CCDC62: variants seen among roughly 807,000 people sequenced by gnomAD.
CCDC62 encodes coiled-coil domain-containing protein 62.
CCDC62 carries 72 observed loss-of-function variants against 80.8 expected under a neutral mutation model. That is an observed-to-expected ratio of 0.89 (90% CI 0.74 to 1.08). The LOEUF (loss-of-function observed/expected upper bound fraction) is 1.08, where lower values mean the gene tolerates loss of function less well. Among genes scored for constraint, CCDC62 ranks in the 50% least tolerant of loss-of-function variants. The pLI is 0.00. For missense variants in CCDC62, 704 were observed against 809.4 expected (o/e 0.87, Z 1.58); for synonymous variants, 286 against 296.5 (o/e 0.96, Z 0.36).
At chr12:122,787,077 G>A (rs2030294527) in intron 4 of CCDC62, among the ~76,000 whole-genome samples, 1 of 152,200 alleles carries the variant, frequency 6.6e-6, no homozygotes, top group Non-Finnish European at 1.5e-5. Context: ...AGCAAACTCT[G>A]GCAAAGCTAT....
At chr12:122,793,585 A>G (rs2030763185) in intron 6 of CCDC62, among the ~76,000 whole-genome samples, 1 of 152,222 alleles carries the variant, frequency 6.6e-6, no homozygotes, top group African/African-American at 2.4e-5. Flanking sequence ...GACTCAAGGA[A>G]TCCTCCCGCC....
intron 8 of CCDC62, 31 bp downstream of exon 8, chr12:122,798,231 C>A: frequency 1.9e-6 from 2 of 1,027,868 alleles, no homozygotes; most frequent in Non-Finnish European, 3.1e-6. Flanking sequence ...TTAATATGAT[C>A]TTGTATTATA....
chr12:122,791,983 A>G (rs377014967), intron 5 of CCDC62, 37 bp from the exon 6 acceptor site: 5 of 1,414,864 alleles, frequency 3.5e-6, no homozygotes, highest in Non-Finnish European at 5.0e-6. Flanking sequence ...GGAACCTAGT[A>G]TTTATTTGAG....
intron 10 of CCDC62, among the ~76,000 whole-genome samples, chr12:122,808,284 G>A (rs529068125): frequency 4.6e-5 from 7 of 152,172 alleles, no homozygotes; most frequent in South Asian, 2.1e-4. Flanking sequence ...GTGACAGAGC[G>A]AGATTCAATC....
intron 6 of CCDC62, among the ~76,000 whole-genome samples, chr12:122,793,972 C>T (rs2030787564): frequency 6.6e-6 from 1 of 152,162 alleles, no homozygotes; most frequent in South Asian, 2.1e-4. Flanking sequence ...CATTTGTACG[C>T]CAGGTGCCCT....
intron 10 of CCDC62, among the ~76,000 whole-genome samples, chr12:122,813,052 G>A (rs892501733): frequency 1.1e-4 from 17 of 150,874 alleles, no homozygotes; most frequent in African/African-American, 3.9e-4. Context: ...AAAATTGCTC[G>A]GTGTGGTTGC....
At position 122,825,989 on chromosome 12, in the gene CCDC62, G is replaced by A. The variant is rs1207606756; in HGVS notation, c.*41-433G>A. Among the ~76,000 whole-genome samples, 8 of 49,760 alleles carry A rather than the reference G, an allele frequency of 1.6e-4. No homozygotes were observed. In the Admixed American group the frequency reaches 2.3e-3, roughly 14 times the overall value. The allele number at this position is 49,760 out of a possible 152,430, so 32.6% of individuals were successfully genotyped here. A position where few individuals can be genotyped will look rare whatever the true frequency, so the allele number is the denominator to read the frequency against. ...GCCTGGGCGACAAGAACGAAACTCC[G>A]TCTCAAAAAAAAAAAAAAAAAAAAG... is the stretch of plus-strand genomic sequence containing the variant. On this transcript the variant is annotated intron_variant, in intron 12 of 12. Coordinates refer to ENST00000253079, the MANE Select transcript of CCDC62 (RefSeq NM_201435.5).
In CCDC62 at chr12:122,783,115, A is replaced by G. The variant is rs1203798304; in HGVS notation, c.396+1785A>G. ...GAGCGAGACTCCTTGTCAAAAAAAA[A>G]GATGGATTTTTTTGGTTTTCTCTTC... On this transcript the variant is annotated intron_variant, in intron 3 of 12. Transcript: ENST00000253079. Among the ~76,000 whole-genome samples the G allele has an allele frequency of 8.2e-5, 10 of 121,482 alleles. No individual in the cohort carries two copies. In the Admixed American group the frequency reaches 9.0e-4, roughly 11 times the overall value. The allele number at this position is 121,482 out of a possible 152,430, so 79.7% of individuals were successfully genotyped here.
intron 9 of CCDC62, among the ~76,000 whole-genome samples, chr12:122,804,037 T>G (rs1460331685): frequency 6.6e-6 from 1 of 152,218 alleles, no homozygotes. Flanking sequence ...GAAAGATAAT[T>G]ATGTTTTTCT....
intron 3 of CCDC62, among the ~76,000 whole-genome samples, chr12:122,783,461 C>T (rs1283033860): frequency 2.0e-5 from 3 of 151,904 alleles, no homozygotes; most frequent in African/African-American, 4.8e-5. Flanking sequence ...CTCCTGACCT[C>T]GTGATCTGCC....
At chr12:122,808,681 T>C (rs1168327224) in intron 10 of CCDC62, among the ~76,000 whole-genome samples, 1 of 152,074 alleles carries the variant, frequency 6.6e-6, no homozygotes, top group Non-Finnish European at 1.5e-5. Flanking sequence ...CATGAACCAT[T>C]ATGCCCAGCT....
chr12:122,779,936 G>T (rs1327219574), intron 2 of CCDC62, among the ~76,000 whole-genome samples: 1 of 139,646 alleles, frequency 7.2e-6, no homozygotes, highest in Non-Finnish European at 1.5e-5. Flanking sequence ...AAAAAAAGAT[G>T]CATGTAAAAG....
intron 2 of CCDC62, 78 bp downstream of exon 2, chr12:122,777,761 A>T: frequency 7.3e-7 from 1 of 1,377,614 alleles, no homozygotes; most frequent in Non-Finnish European, 1.0e-6. Context: ...GAAGATAGAG[A>T]GGAAGTAAAG....
At chr12:122,782,999 C>T (rs2029960657) in intron 3 of CCDC62, among the ~76,000 whole-genome samples, 1 of 150,546 alleles carries the variant, frequency 6.6e-6, no homozygotes, top group Non-Finnish European at 1.5e-5. Context: ...CCCAACTACT[C>T]AGGAGGCTGA....
At chr12:122,817,603 C>T (rs890287705) in intron 11 of CCDC62, among the ~76,000 whole-genome samples, 6 of 152,108 alleles carry the variant, frequency 3.9e-5, no homozygotes, top group East Asian at 1.9e-4. Flanking sequence ...GGATTACAGG[C>T]GTGAGCCACT....
chr12:122,792,761 G>A (rs896721170), intron 6 of CCDC62, among the ~76,000 whole-genome samples: 1 of 151,934 alleles, frequency 6.6e-6, no homozygotes, highest in African/African-American at 2.4e-5. Context: ...CAGATAATCC[G>A]CCCGCCTCAG....
chr12:122,802,420 T>TC (rs1209638944), intron 9 of CCDC62, among the ~76,000 whole-genome samples: 2 of 150,580 alleles, frequency 1.3e-5, no homozygotes, highest in African/African-American at 4.9e-5. Flanking sequence ...CTTTTTTTTT[T>TC]TTTTTTTTTT....
Position 122,812,739 on chromosome 12 carries a change from AAGAG to A in CCDC62, c.1852-522_1852-519del, listed in dbSNP as rs1190464330. On this transcript the variant is annotated intron_variant, in intron 10 of 12. Coordinates refer to ENST00000253079, the MANE Select transcript of CCDC62 (RefSeq NM_201435.5). The stretch of plus-strand genomic sequence containing the variant: ...TCCGTCTCAAAAAAAAAAAAAAAGA[AAGAG>A]AGAGAGAGGGAGGGAGAGAGAGAGA... Among the ~76,000 whole-genome samples, 22 of 105,826 alleles carry A rather than the reference AAGAG, an allele frequency of 2.1e-4. 1 individual carries two copies. The highest frequency in any genetic ancestry group is 1.2e-3 in the East Asian group (4 of 3,370). 69.4% of individuals were successfully genotyped at this position (105,826 alleles called of 152,430 possible).
intron 2 of CCDC62, 57 bp downstream of exon 2, chr12:122,777,740 G>A: frequency 6.8e-7 from 1 of 1,473,410 alleles, no homozygotes. Context: ...ACACATTGAT[G>A]GGCTCATAGG....
Sources: allele counts gnomAD v4.1 joint callset (sites outside exome capture counted in the v4.1 genomes callset), GRCh38; gene constraint gnomAD v4.1.1; transcripts MANE v1.5; gene names NCBI Gene and HGNC (gene_info 2026-07-23, HGNC 2026-07-21).